Variants in RPL31 observed in about 807,000 individuals in gnomAD.
The protein encoded by RPL31 is large ribosomal subunit protein eL31.
For synonymous variants in RPL31, 51 were observed against 55.0 expected, an observed-to-expected ratio of 0.93 and a Z score of 0.32; for missense variants, 95 against 164.0, an observed-to-expected ratio of 0.58 and a Z score of 2.30.
downstream of RPL31, among the ~76,000 whole-genome samples, chr2:101,011,959 G>C (rs1404157506): frequency 1.3e-5 from 2 of 152,182 alleles, no homozygotes; most frequent in African/African-American, 4.8e-5. Context: ...TTTCAGGATA[G>C]TATTTCTCTA....
chr2:101,002,938 ACAAATCCTG>A, intron 2 of RPL31, 130 bp downstream of exon 2: 4 of 689,840 alleles, frequency 5.8e-6, no homozygotes, highest in East Asian at 5.4e-5. Flanking sequence ...TGGCAATTTA[ACAAATCCTG>A]TGGGCTCTAC....
At chr2:101,016,377 C>T (rs1679637841) in intron 4 of RPL31, among the ~76,000 whole-genome samples, 1 of 151,882 alleles carries the variant, frequency 6.6e-6, no homozygotes, top group African/African-American at 2.4e-5. Flanking sequence ...CAATGAGATA[C>T]CATCTCACAC....
At chr2:101,005,103 C>T (rs3099481) in intron 3 of RPL31, 1 of 152,228 alleles carries the variant, frequency 6.6e-6, no homozygotes, top group Non-Finnish European at 1.5e-5. Flanking sequence ...GGAGAGGTGT[C>T]CTCCGATGCC....
downstream of RPL31, among the ~76,000 whole-genome samples, chr2:101,009,835 T>G (rs1338347501): frequency 6.6e-6 from 1 of 151,472 alleles, no homozygotes; most frequent in Non-Finnish European, 1.5e-5. Flanking sequence ...TTCTTTTTTT[T>G]TTTTGAGATG....
At chr2:101,014,752 A>T (rs2105365987) in intron 4 of RPL31, among the ~76,000 whole-genome samples, 1 of 152,344 alleles carries the variant, frequency 6.6e-6, no homozygotes, top group Middle Eastern at 3.4e-3. Flanking sequence ...GTACAGAGTT[A>T]TCTTCAGTAT....
At chr2:101,007,641 C>G (rs1004375953), downstream of RPL31, 11 of 645,262 alleles carry the variant, frequency 1.7e-5, no homozygotes, top group African/African-American at 5.5e-5. Flanking sequence ...TGACAATTCT[C>G]AATACATAGA....
chr2:101,002,725 C>G lies in RPL31; in HGVS notation c.24C>G (p.Gly8=), dbSNP rs1178894108. 7 of 1,613,934 alleles carry G rather than the reference C, an allele frequency of 4.3e-6. No homozygotes were observed. Among genetic ancestry groups the G allele is most frequent in the Non-Finnish European group, 5.9e-6 (7 of 1,179,884 alleles). MAPAKKG[G]EKKKGRSAIN... ...AGATGGCTCCCGCAAAGAAGGGTGGCGAGAAGAAAAAGGGCCGTTCTGCCA... is the reference window on the plus strand; with the variant it reads ...AGATGGCTCCCGCAAAGAAGGGTGGGGAGAAGAAAAAGGGCCGTTCTGCCA... Residue 8 remains glycine (G), a synonymous_variant, in exon 2 of 5, where the codon GGC becomes GGG. Transcript: ENST00000264258.
chr2:101,004,167 G>C lies in RPL31; in HGVS notation c.117G>C (p.Lys39Asn). 6.2e-7 allele frequency: 1 copy of C among 1,613,736 alleles called. No homozygotes were observed. The highest frequency in any genetic ancestry group is 8.5e-7 in the Non-Finnish European group (1 of 1,179,826). ...TATGTTTGAATCGTAGGGGCTTCAA[G>C]AAGCGTGCACCTCGGGCACTCAAAG... ...IHKRIHGVGF[K>N]KRAPRALKEI... The change falls in exon 3 of 5, where the codon AAG (lysine) becomes AAC (asparagine). Residue 39 changes from lysine (K) to asparagine (N), a missense_variant. By Grantham distance (94) the Lys-to-Asn change is moderately conservative. Transcript: ENST00000264258.
At chr2:101,005,774 G>GT in intron 3 of RPL31, 185 bp from the exon 4 acceptor site, 1 of 602,680 alleles carries the variant, frequency 1.7e-6, no homozygotes, top group Non-Finnish European at 2.9e-6. Flanking sequence ...CCCTCCTGTG[G>GT]TAACAGCATT....
downstream of RPL31, chr2:101,007,708 G>C: frequency 9.1e-7 from 1 of 1,093,132 alleles, no homozygotes; most frequent in Non-Finnish European, 1.3e-6. Context: ...TGTTTAGCCA[G>C]ATGCCCCATT....
Position 101,006,335 on chromosome 2 carries a change from T to A in RPL31, c.347-15T>A, listed in dbSNP as rs1177238703. 15 of 1,608,330 alleles carry A rather than the reference T, an allele frequency of 9.3e-6. No homozygotes were observed. The highest frequency in any genetic ancestry group is 1.3e-5 in the Non-Finnish European group (15 of 1,178,144). ...GTGATGTGGGTATGGAAATTGACTG[T>A]TACTTCCTTTACAGATCTACAGACA... On this transcript the variant is annotated splice_polypyrimidine_tract_variant and intron_variant, in intron 4 of 4. Transcript: ENST00000264258.
downstream of RPL31, chr2:101,007,745 A>C: frequency 6.8e-7 from 1 of 1,466,112 alleles, no homozygotes; most frequent in Non-Finnish European, 9.3e-7. Context: ...ATCTCGGTTT[A>C]GGGCTGACCC....
chr2:101,009,418 A>AG (rs946688000), downstream of RPL31, among the ~76,000 whole-genome samples: 16 of 152,068 alleles, frequency 1.1e-4, no homozygotes, highest in African/African-American at 3.9e-4. Flanking sequence ...AAAAAAAAAA[A>AG]AAAAAGAAAA....
intron 2 of RPL31, among the ~76,000 whole-genome samples, chr2:101,003,625 GT>G (rs1678620268): frequency 6.6e-6 from 1 of 152,212 alleles, no homozygotes. Context: ...ACTTCTGGAT[GT>G]TTTAAGTATT....
chr2:101,013,833 T>C (rs1284987779), intron 4 of RPL31, among the ~76,000 whole-genome samples: 1 of 152,112 alleles, frequency 6.6e-6, no homozygotes, highest in Non-Finnish European at 1.5e-5. Flanking sequence ...GACATTACAG[T>C]AATCATCAAA....
At chr2:101,007,614 T>C (rs1678825015), downstream of RPL31, 5 of 572,712 alleles carry the variant, frequency 8.7e-6, no homozygotes, top group Non-Finnish European at 1.5e-5. Flanking sequence ...AGGGAACCAA[T>C]GGATACCTTA....
chr2:101,002,939 CAA>C, intron 2 of RPL31, 131 bp downstream of exon 2: 1 of 687,750 alleles, frequency 1.5e-6, no homozygotes, highest in Non-Finnish European at 2.6e-6. Context: ...GGCAATTTAA[CAA>C]ATCCTGTGGG....
At chr2:101,004,417 G>C in intron 3 of RPL31, 134 bp downstream of exon 3, 2 of 895,092 alleles carry the variant, frequency 2.2e-6, no homozygotes, top group Non-Finnish European at 3.3e-6. Flanking sequence ...TACTGTGACC[G>C]TGACTTAGGG....
chr2:101,019,225 T>A, exon 5 of RPL31: 1 of 561,894 alleles, frequency 1.8e-6, no homozygotes, highest in South Asian at 3.7e-5. Context: ...TGCCCTTGCC[T>A]CTTCGACAGG....
Sources: allele counts gnomAD v4.1 joint callset (sites outside exome capture counted in the v4.1 genomes callset), GRCh38; gene constraint gnomAD v4.1.1; transcripts MANE v1.5; gene names NCBI Gene and HGNC (gene_info 2026-07-23, HGNC 2026-07-21).